The following TSC22D4 variants were observed in gnomAD, a reference collection of about 807,000 sequenced individuals.
TSC22D4 encodes the protein TSC22 domain family protein 4.
A neutral mutation model predicts 24.9 loss-of-function variants in TSC22D4; 5 were observed. The ratio of observed to expected loss-of-function variants is 0.20; its 90% CI spans 0.10 to 0.42. TSC22D4 has a LOEUF of 0.42. Among genes scored for constraint, TSC22D4 ranks in the 10% least tolerant of loss-of-function variants. The pLI is 1.00. For missense variants in TSC22D4, 469 were observed against 547.9 expected (o/e 0.86, Z 1.44); for synonymous variants, 245 against 243.2 (o/e 1.01, Z -0.07).
intron 3 of TSC22D4, among the ~76,000 whole-genome samples, chr7:100,472,344 C>T (rs988356152): frequency 7.0e-6 from 1 of 142,974 alleles, no homozygotes; most frequent in Non-Finnish European, 1.5e-5. Context: ...CCCCAAGAGC[C>T]TTGGAGCACA....
At position 100,477,772 on chromosome 7, in the gene TSC22D4, G is replaced by C. The variant is rs377763281; in HGVS notation, c.267C>G (p.Arg89=). The C allele has an allele frequency of 1.2e-6, 2 of 1,606,004 alleles. No homozygotes were observed. The highest frequency in any genetic ancestry group is 3.3e-5 in the Admixed American group (2 of 59,972). ...HGLGEPYRRG[R]WTCVDVYERD... ...GCTCATAAACATCCACACACGTCCA[G>C]CGACCGCGGCGATAAGGCTCTCCCA... The change falls in exon 2 of 5, where the codon CGC becomes CGG. Residue 89 remains arginine, a synonymous_variant. Transcript: ENST00000300181. The surrounding 1 kb of genome is among the most constrained non-coding windows in gnomAD (Gnocchi z 7.8).
intron 3 of TSC22D4, among the ~76,000 whole-genome samples, chr7:100,471,860 G>A (rs1799399683): frequency 6.6e-6 from 1 of 152,082 alleles, no homozygotes; most frequent in South Asian, 2.1e-4. Context: ...GGCAGTACCG[G>A]ACCCAAGGGA....
chr7:100,477,920 G>A lies in TSC22D4; in HGVS notation c.119C>T (p.Pro40Leu), dbSNP rs532325664. Residue 40 changes from proline to leucine, a missense_variant, in exon 2 of 5, where the codon CCG (proline) becomes CTG (leucine). Coordinates refer to ENST00000300181, the MANE Select transcript of TSC22D4 (RefSeq NM_030935.5). This position sits in a 1 kb window ranked among gnomAD's most constrained non-coding sequence, Gnocchi z 7.8. ...GGGCTCCCCATTGGGCAGGCGGGGC[G>A]GGGGCCCGGTTGGGGGCTGTGGGGT... ...PPTPQPPTGPPPRLPNGEPSP... is the reference protein window; with the variant it reads ...PPTPQPPTGPLPRLPNGEPSP... The A allele has an allele frequency of 2.8e-5, 44 of 1,553,804 alleles. No homozygotes were observed. The Admixed American group carries it at 8.4e-4, about 30-fold the overall frequency.
At chr7:100,467,884 A>T (rs1429606306) in intron 3 of TSC22D4, 1 of 624,160 alleles carries the variant, frequency 1.6e-6, no homozygotes, top group South Asian at 1.5e-5. Flanking sequence ...AGCCATCCCC[A>T]CCACTCGGGT....
At chr7:100,467,730 G>A (rs1349605861) in intron 3 of TSC22D4, 130 bp from the exon 4 acceptor site, 1 of 1,000,764 alleles carries the variant, frequency 1.0e-6, no homozygotes. Context: ...GGAGGGTTTT[G>A]TCCATCCCCC....
At position 100,466,543 on chromosome 7, in the gene TSC22D4, T is replaced by C. The variant is rs778453533; in HGVS notation, c.*416A>G. On this transcript the variant is annotated 3_prime_UTR_variant, in exon 5 of 5. Transcript: ENST00000300181. The stretch of plus-strand genomic sequence containing the variant: ...ATTCAAGTTTCTTCAGAGTTTTTAA[T>C]TATTATTATTATTTTAATAACAACC... 18 of 164,496 alleles carry C rather than the reference T, an allele frequency of 1.1e-4. No homozygotes were observed. Among genetic ancestry groups the C allele is most frequent in the Non-Finnish European group, 2.2e-4 (17 of 76,752 alleles). The allele number at this position is 164,496 out of a possible 1,614,324, so 10.2% of individuals were successfully genotyped here.
rs766565921 is a variant in TSC22D4 at position 100,474,277 on chromosome 7, T to C, written c.926A>G (p.Asp309Gly). 1 of 1,613,780 alleles carries C rather than the reference T, an allele frequency of 6.2e-7. No homozygotes were observed. Among genetic ancestry groups the C allele is most frequent in the South Asian group, 1.1e-5 (1 of 91,076 alleles). Residue 309 changes from aspartate (D) to glycine (G), a missense_variant, in exon 3 of 5, where the codon GAT becomes GGT. Coordinates refer to ENST00000300181, the MANE Select transcript of TSC22D4 (RefSeq NM_030935.5). The surrounding 1 kb of genome is among the most constrained non-coding windows in gnomAD (Gnocchi z 4.3). ...CCACCCCACGAAGCCCACCTACCTA[T>C]CATCGTCGCTGTCTAGGTGACCACT... ...AISGHLDSDD[D>G]SGSGSLVGID...
intron 3 of TSC22D4, among the ~76,000 whole-genome samples, chr7:100,471,263 T>C (rs867245006): frequency 9.9e-5 from 15 of 152,170 alleles, no homozygotes; most frequent in South Asian, 4.2e-4. Context: ...CCTGCCCTGC[T>C]TGGGAGAGCT....
intron 4 of TSC22D4, 165 bp downstream of exon 4, chr7:100,467,387 G>T: frequency 2.3e-6 from 2 of 882,730 alleles, no homozygotes; most frequent in Non-Finnish European, 1.8e-6. Context: ...AAAGTCAAGG[G>T]TGGAGGTGGT....
chr7:100,474,314 T>C lies in TSC22D4; in HGVS notation c.889A>G (p.Met297Val), dbSNP rs1330233223. The change falls in exon 3 of 5, where the codon ATG becomes GTG. Residue 297 changes from methionine to valine, a missense_variant. Met to Val is a conservative substitution (Grantham distance 21). Coordinates refer to ENST00000300181, the MANE Select transcript of TSC22D4 (RefSeq NM_030935.5). This position sits in a 1 kb window ranked among gnomAD's most constrained non-coding sequence, Gnocchi z 4.3. ...TCTAGGTGACCACTGATGGCCAACATGGAGTGGGCCAGGCTGAACTTCTGA... is the reference window on the plus strand; with the variant it reads ...TCTAGGTGACCACTGATGGCCAACACGGAGTGGGCCAGGCTGAACTTCTGA... ...AAQKFSLAHS[M>V]LAISGHLDSD... The C allele has an allele frequency of 1.9e-6, 3 of 1,613,748 alleles. No homozygotes were observed. The African/African-American group carries it at 4.0e-5, about 22-fold the overall frequency.
chr7:100,476,111 A>C (rs1799491139), intron 2 of TSC22D4, among the ~76,000 whole-genome samples: 1 of 151,800 alleles, frequency 6.6e-6, no homozygotes, highest in South Asian at 2.1e-4. Flanking sequence ...GCTTAAGGAC[A>C]GAGAGCAGGG....
rs1386464611 is a variant in TSC22D4 at position 100,478,205 on chromosome 7, C to G, written c.-167G>C. 2 of 191,204 alleles carry G rather than the reference C, an allele frequency of 1.0e-5. No individual in the cohort carries two copies. The highest frequency in any genetic ancestry group is 1.9e-5 in the Non-Finnish European group (2 of 105,660). 11.8% of individuals were successfully genotyped at this position (191,204 alleles called of 1,614,324 possible). ...GCCTGGCGGGAACCGGGGGTGCCTG[C>G]TGGGTGAGGGGAGAAGAGGAGAGGG... On this transcript the variant is annotated 5_prime_UTR_variant, in exon 2 of 5. Transcript: ENST00000300181.
In TSC22D4 at chr7:100,474,014, A is replaced by G. The variant is rs770027344; in HGVS notation, c.929+260T>C. On this transcript the variant is annotated intron_variant, in intron 3 of 4. Transcript: ENST00000300181. This position sits in a 1 kb window ranked among gnomAD's most constrained non-coding sequence, Gnocchi z 4.3. Reference sequence around the variant, plus strand: ...GCAAGAGCTCTGGAATCTGACAACAATGACTCCCTTCAGACTCTAAAAAAG... The same window carrying G: ...GCAAGAGCTCTGGAATCTGACAACAGTGACTCCCTTCAGACTCTAAAAAAG... The G allele has an allele frequency of 1.2e-5, 5 of 430,264 alleles. No individual in the cohort carries two copies. Among genetic ancestry groups the G allele is most frequent in the Non-Finnish European group, 2.1e-5 (5 of 232,960 alleles). 26.7% of individuals were successfully genotyped at this position (430,264 alleles called of 1,614,324 possible). A position where few individuals can be genotyped will look rare whatever the true frequency, so the allele number is the denominator to read the frequency against.
chr7:100,472,470 G>T (rs768833445), intron 3 of TSC22D4, among the ~76,000 whole-genome samples: 5 of 148,834 alleles, frequency 3.4e-5, no homozygotes, highest in Non-Finnish European at 7.4e-5. Context: ...GCCTCAGGAG[G>T]TTGAATCCTC....
At chr7:100,468,525 C>T (rs1451374045) in intron 3 of TSC22D4, among the ~76,000 whole-genome samples, 1 of 152,200 alleles carries the variant, frequency 6.6e-6, no homozygotes, top group Non-Finnish European at 1.5e-5. Context: ...CCCCACAAGG[C>T]TCACATCATG....
intron 3 of TSC22D4, among the ~76,000 whole-genome samples, chr7:100,473,389 G>T (rs753370667): frequency 1.8e-4 from 27 of 152,118 alleles, no homozygotes; most frequent in Non-Finnish European, 5.9e-5. Flanking sequence ...TGTTAGGAGA[G>T]AAAGAGGGAG....
intron 2 of TSC22D4, among the ~76,000 whole-genome samples, chr7:100,476,746 A>G (rs1799503142): frequency 6.6e-6 from 1 of 152,176 alleles, no homozygotes; most frequent in African/African-American, 2.4e-5. Context: ...CCAATTTCTC[A>G]GTGACACTTG....
intron 2 of TSC22D4, among the ~76,000 whole-genome samples, chr7:100,476,914 C>T (rs548855645): frequency 6.6e-6 from 1 of 152,264 alleles, no homozygotes; most frequent in East Asian, 1.9e-4. Context: ...CCTAGGGACC[C>T]AGCTACCCAG....
intron 4 of TSC22D4, 40 bp downstream of exon 4, chr7:100,467,511 AG>A (rs766876424): frequency 6.2e-7 from 1 of 1,607,122 alleles, no homozygotes. Context: ...GGATGGCTTA[AG>A]GGGGCCAGGA....
Sources: allele counts gnomAD v4.1 joint callset (sites outside exome capture counted in the v4.1 genomes callset), GRCh38; gene constraint gnomAD v4.1.1; non-coding constraint Gnocchi (gnomAD v3.1); transcripts MANE v1.5; gene names NCBI Gene and HGNC (gene_info 2026-07-23, HGNC 2026-07-21).